Variants in SIPA1L2 observed in about 807,000 individuals in gnomAD.
SIPA1L2 encodes the protein signal induced proliferation associated 1 like 2, also known as signal-induced proliferation-associated 1-like protein 2.
Under a neutral mutation model 163.9 loss-of-function variants are expected in SIPA1L2, and 56 were observed. The ratio of observed to expected loss-of-function variants is 0.34; its 90% CI spans 0.28 to 0.43. The LOEUF is 0.43. Ranked by LOEUF, SIPA1L2 falls within the 20% of genes least tolerant of loss-of-function variation. SIPA1L2 has a pLI of 1.00. For missense variants in SIPA1L2, 1,974 were observed against 2,193.5 expected, an observed-to-expected ratio of 0.90 and a Z score of 2.00; for synonymous variants, 877 against 865.7, an observed-to-expected ratio of 1.01 and a Z score of -0.23.
intron 1 of SIPA1L2, among the ~76,000 whole-genome samples, chr1:232,629,622 T>C (rs1432227611): frequency 6.6e-6 from 1 of 152,156 alleles, no homozygotes; most frequent in Non-Finnish European, 1.5e-5. Context: ...GATCGATAAC[T>C]TGGAGAGAAC....
At chr1:232,482,838 C>G (rs1207586541) in intron 6 of SIPA1L2, among the ~76,000 whole-genome samples, 1 of 152,190 alleles carries the variant, frequency 6.6e-6, no homozygotes, top group East Asian at 1.9e-4. Context: ...TCGGCCACAC[C>G]CTGACGCTCC....
chr1:232,493,736 T>C (rs1666044524), intron 3 of SIPA1L2, 76 bp from the exon 4 acceptor site: 1 of 1,553,692 alleles, frequency 6.4e-7, no homozygotes, highest in Admixed American at 1.8e-5. Context: ...TCTCAGTTTG[T>C]GTATCAAATC....
intron 2 of SIPA1L2, among the ~76,000 whole-genome samples, chr1:232,517,781 C>T (rs559062774): frequency 9.0e-4 from 137 of 152,278 alleles, no homozygotes; most frequent in African/African-American, 3.2e-3. Context: ...TGGCTCACAC[C>T]TATAACGCCA....
intron 1 of SIPA1L2, among the ~76,000 whole-genome samples, chr1:232,626,318 C>T (rs67457811): frequency 0.23 from 34,725 of 149,564 alleles, 4,274 homozygotes; most frequent in South Asian, 0.4. Context: ...TCCTTTCTGG[C>T]CCAAAGGAGC....
At chr1:232,575,618 A>T (rs1259775855) in intron 1 of SIPA1L2, among the ~76,000 whole-genome samples, 1 of 148,210 alleles carries the variant, frequency 6.7e-6, no homozygotes, top group East Asian at 1.9e-4. Flanking sequence ...GTGGGTACCT[A>T]AAAAAAAAAA....
chr1:232,402,262 G>T, intron 22 of SIPA1L2, 130 bp downstream of exon 22: 2 of 669,414 alleles, frequency 3.0e-6, no homozygotes, highest in Admixed American at 6.4e-5. Flanking sequence ...AGGAGCATCT[G>T]TTGGTATTTA....
intron 2 of SIPA1L2, among the ~76,000 whole-genome samples, chr1:232,564,993 C>T (rs1659318907): frequency 6.6e-6 from 1 of 152,126 alleles, no homozygotes; most frequent in South Asian, 2.1e-4. Context: ...GTGTAGCAAA[C>T]CACCATGGCA....
chr1:232,572,734 C>CAT (rs1165351923), intron 2 of SIPA1L2, among the ~76,000 whole-genome samples: 6 of 67,320 alleles, frequency 8.9e-5, no homozygotes, highest in African/African-American at 2.3e-4. Context: ...TATATACATA[C>CAT]ATACATATAT....
chr1:232,461,726 GT>G (rs1276332172), intron 9 of SIPA1L2, among the ~76,000 whole-genome samples: 2 of 152,204 alleles, frequency 1.3e-5, no homozygotes, highest in African/African-American at 2.4e-5. Context: ...CCACTCTGAG[GT>G]TCAGGAAGGG....
Position 232,455,335 on chromosome 1 carries a change from A to G in SIPA1L2, c.3095+5552T>C, listed in dbSNP as rs117696349. On this transcript the variant is annotated intron_variant, in intron 10 of 22. Transcript: ENST00000674635. Reference sequence around the variant, plus strand: ...GCACGCATATGTTCACTGCAGCACTATAACAACAAAAACGTGGAATCAACC... The same window carrying G: ...GCACGCATATGTTCACTGCAGCACTGTAACAACAAAAACGTGGAATCAACC... Among the ~76,000 whole-genome samples the G allele has an allele frequency of 7.9e-5, 12 of 152,306 alleles. No homozygotes were observed. In the East Asian group the frequency reaches 1.9e-3, roughly 25 times the overall value.
At chr1:232,517,930 T>TCGG (rs963515734) in intron 2 of SIPA1L2, among the ~76,000 whole-genome samples, 18 of 151,914 alleles carry the variant, frequency 1.2e-4, no homozygotes, top group African/African-American at 4.1e-4. Flanking sequence ...ACCTGTAGTA[T>TCGG]CGGCTACTTG....
chr1:232,579,478 T>A (rs571379970), intron 1 of SIPA1L2, among the ~76,000 whole-genome samples: 3 of 152,284 alleles, frequency 2.0e-5, no homozygotes, highest in African/African-American at 7.2e-5. Context: ...CAGTACATAT[T>A]TTCCAAAAGA....
chr1:232,508,815 G>T (rs575972765), intron 3 of SIPA1L2, among the ~76,000 whole-genome samples: 4 of 152,304 alleles, frequency 2.6e-5, no homozygotes, highest in Admixed American at 6.5e-5. Context: ...GTTTTGGCTG[G>T]GTGCGGTGGC....
At chr1:232,553,247 G>A (rs902554381) in intron 2 of SIPA1L2, among the ~76,000 whole-genome samples, 53 of 152,084 alleles carry the variant, frequency 3.5e-4, no homozygotes, top group African/African-American at 1.1e-3. Flanking sequence ...GTCCCTAGTC[G>A]AACTTCTCTG....
chr1:232,400,504 G>A (rs1473081730), intron 22 of SIPA1L2, among the ~76,000 whole-genome samples: 1 of 152,084 alleles, frequency 6.6e-6, no homozygotes, highest in Non-Finnish European at 1.5e-5. Flanking sequence ...GGTCGGGCAG[G>A]CAGACAGTGC....
At chr1:232,517,493 T>G (rs1667267461) in intron 2 of SIPA1L2, among the ~76,000 whole-genome samples, 1 of 152,120 alleles carries the variant, frequency 6.6e-6, no homozygotes, top group Admixed American at 6.5e-5. Context: ...CTAATAGATG[T>G]GCAAAATAAA....
chr1:232,409,538 C>T lies in SIPA1L2; in HGVS notation c.4763-5360G>A, dbSNP rs562226380. Among the ~76,000 whole-genome samples, 591 of 152,290 alleles carry T rather than the reference C, an allele frequency of 3.9e-3. 3 individuals are homozygous for T. Among genetic ancestry groups the T allele is most frequent in the Non-Finnish European group, 4.6e-3 (310 of 68,034 alleles). Reference sequence around the variant, plus strand: ...GTGAACTACTTTGGCCTAAATAGAACGTGGTGAATATAATGTTCTGGGACA... The same window carrying T: ...GTGAACTACTTTGGCCTAAATAGAATGTGGTGAATATAATGTTCTGGGACA... On this transcript the variant is annotated intron_variant, in intron 19 of 22. Transcript: ENST00000674635.
rs903579368 is a variant in SIPA1L2, at chr1:232,462,492, A to C, written c.2821-1331T>G. On this transcript the variant is annotated intron_variant, in intron 9 of 22. Coordinates refer to ENST00000674635, the MANE Select transcript of SIPA1L2 (RefSeq NM_020808.5). ...TTCCATGGTTACCACAAGTGCACAC[A>C]ATGCCAATCAGCTTTTCCCAGACAG... 4.0e-5 allele frequency: 32 copies of C among 801,326 alleles called. No individual in the cohort carries two copies. In the African/African-American group the frequency reaches 5.6e-4, roughly 14 times the overall value. 49.6% of individuals were successfully genotyped at this position (801,326 alleles called of 1,614,324 possible). A position where few individuals can be genotyped will look rare whatever the true frequency, so the allele number is the denominator to read the frequency against.
intron 6 of SIPA1L2, among the ~76,000 whole-genome samples, chr1:232,482,020 A>G (rs765881842): frequency 5.3e-5 from 8 of 152,190 alleles, no homozygotes; most frequent in Non-Finnish European, 1.2e-4. Context: ...TCTCCTCTCT[A>G]CTAAAAGAAT....
Sources: allele counts gnomAD v4.1 joint callset (sites outside exome capture counted in the v4.1 genomes callset), GRCh38; gene constraint gnomAD v4.1.1; transcripts MANE v1.5; gene names NCBI Gene and HGNC (gene_info 2026-07-23, HGNC 2026-07-21).